Variants in SNX29 observed in about 807,000 individuals in gnomAD.
SNX29 encodes the protein sorting nexin 29.
In SNX29, 78 loss-of-function variants were observed where a neutral mutation model predicts 102.1. That is an observed-to-expected ratio of 0.76 (90% CI 0.64 to 0.92). SNX29 has a LOEUF of 0.92. Ranked by LOEUF, SNX29 falls within the 40% of genes least tolerant of loss-of-function variation. The probability of loss-of-function intolerance (pLI) is 0.00; values close to 1 mark genes in which losing one functional copy is unlikely to be tolerated. For missense variants in SNX29, 1,280 were observed against 1,061.7 expected, an observed-to-expected ratio of 1.21 and a Z score of -2.86; for synonymous variants, 580 against 414.5, an observed-to-expected ratio of 1.40 and a Z score of -4.85.
intron 15 of SNX29, chr16:12,297,254 C>T (rs938147752): frequency 1.3e-5 from 2 of 152,350 alleles, no homozygotes; most frequent in African/African-American, 4.8e-5. Flanking sequence ...TGAGCTGAGG[C>T]CCTGGAGGCT....
At chr16:12,373,755 G>A (rs1047293535) in intron 16 of SNX29, 1 of 152,146 alleles carries the variant, frequency 6.6e-6, no homozygotes, top group South Asian at 2.1e-4. Flanking sequence ...CCGATGCCCT[G>A]AACACACATG....
At chr16:11,994,680 C>G (rs539814046) in intron 1 of SNX29, among the ~76,000 whole-genome samples, 1 of 152,128 alleles carries the variant, frequency 6.6e-6, no homozygotes, top group African/African-American at 2.4e-5. Context: ...GGTTGGGATT[C>G]GGTAGGTGGG....
intron 2 of SNX29, among the ~76,000 whole-genome samples, chr16:12,001,287 T>C (rs996502808): frequency 6.6e-6 from 1 of 151,938 alleles, no homozygotes; most frequent in Non-Finnish European, 1.5e-5. Context: ...AATTTTTGTA[T>C]TTTTTAGTAG....
intron 14 of SNX29, among the ~76,000 whole-genome samples, chr16:12,254,180 G>C (rs1168467609): frequency 1.3e-5 from 2 of 152,100 alleles, no homozygotes; most frequent in Non-Finnish European, 2.9e-5. Context: ...AAGGAACGTG[G>C]GTATCAAGAG....
At chr16:12,366,911 A>G (rs1299313870) in intron 16 of SNX29, 2 of 148,642 alleles carry the variant, frequency 1.3e-5, no homozygotes, top group Non-Finnish European at 3.0e-5. Flanking sequence ...TGTGGTTGCA[A>G]TCCTCTCCCT....
chr16:12,363,569 C>T (rs1199831228), intron 16 of SNX29, among the ~76,000 whole-genome samples: 1 of 152,222 alleles, frequency 6.6e-6, no homozygotes, highest in Non-Finnish European at 1.5e-5. Flanking sequence ...TGCTGGCCCT[C>T]ATGTCCCATT....
At chr16:12,531,265 C>T (rs533376660) in intron 20 of SNX29, among the ~76,000 whole-genome samples, 8 of 152,316 alleles carry the variant, frequency 5.3e-5, no homozygotes, top group South Asian at 4.1e-4. Context: ...ATGGTCAGGG[C>T]GCACTGGGAC....
chr16:12,144,538 C>T (rs1225266588), intron 13 of SNX29, among the ~76,000 whole-genome samples: 1 of 152,218 alleles, frequency 6.6e-6, no homozygotes, highest in African/African-American at 2.4e-5. Context: ...AGCTGGGCTC[C>T]TTTTTCCGTT....
At chr16:12,022,551 A>C (rs1328266309) in intron 3 of SNX29, among the ~76,000 whole-genome samples, 1 of 152,124 alleles carries the variant, frequency 6.6e-6, no homozygotes, top group Non-Finnish European at 1.5e-5. Context: ...CATCGATCAC[A>C]ATTCAGTTTT....
chr16:12,391,808 G>A (rs964674682), intron 16 of SNX29, among the ~76,000 whole-genome samples: 3 of 152,130 alleles, frequency 2.0e-5, no homozygotes, highest in African/African-American at 7.2e-5. Context: ...CACTCTCCCT[G>A]AGGTATTCAC....
intron 15 of SNX29, among the ~76,000 whole-genome samples, chr16:12,295,614 C>G (rs985945318): frequency 5.9e-5 from 9 of 152,206 alleles, no homozygotes; most frequent in African/African-American, 2.2e-4. Context: ...GTACCAAAAA[C>G]TCAGCTTTGC....
At chr16:12,269,255 T>C (rs767766813) in intron 14 of SNX29, among the ~76,000 whole-genome samples, 31 of 152,176 alleles carry the variant, frequency 2.0e-4, no homozygotes, top group Non-Finnish European at 2.8e-4. Context: ...AGACTGCGGA[T>C]TTTTCCCGTG....
intron 15 of SNX29, among the ~76,000 whole-genome samples, chr16:12,329,927 A>G (rs1462517466): frequency 1.3e-5 from 2 of 152,298 alleles, no homozygotes; most frequent in East Asian, 3.9e-4. Context: ...TCTTGTTCCA[A>G]AAGGCATTTG....
intron 14 of SNX29, among the ~76,000 whole-genome samples, chr16:12,201,151 CTG>C (rs1431788960): frequency 6.6e-6 from 1 of 152,170 alleles, no homozygotes; most frequent in Non-Finnish European, 1.5e-5. Flanking sequence ...GGGTCAGTAA[CTG>C]TGGTCATTCT....
intron 14 of SNX29, among the ~76,000 whole-genome samples, chr16:12,242,446 C>T (rs557937750): frequency 6.7e-6 from 1 of 149,086 alleles, no homozygotes; most frequent in Non-Finnish European, 1.5e-5. Flanking sequence ...TCATAGTCCA[C>T]TTGTCTTTTA....
At chr16:12,009,915 A>G (rs373741940) in intron 3 of SNX29, among the ~76,000 whole-genome samples, 6 of 152,358 alleles carry the variant, frequency 3.9e-5, no homozygotes, top group African/African-American at 1.4e-4. Flanking sequence ...ACGGAATCAG[A>G]GGACGTGATC....
At chr16:12,217,827 C>T (rs983087348) in intron 14 of SNX29, among the ~76,000 whole-genome samples, 1 of 152,240 alleles carries the variant, frequency 6.6e-6, no homozygotes, top group Non-Finnish European at 1.5e-5. Context: ...GATGGCATAA[C>T]TCAGCCTCAT....
At chr16:12,006,905 C>T (rs1255242207) in intron 3 of SNX29, among the ~76,000 whole-genome samples, 1 of 152,166 alleles carries the variant, frequency 6.6e-6, no homozygotes, top group Non-Finnish European at 1.5e-5. Context: ...AGGTATGAGC[C>T]ACACTGTGCC....
chr16:12,173,203 C>A (rs891851336), intron 13 of SNX29, among the ~76,000 whole-genome samples: 2 of 152,212 alleles, frequency 1.3e-5, no homozygotes, highest in African/African-American at 4.8e-5. Context: ...CAGCCAGTTT[C>A]AGTAGCTATT....
Sources: allele counts gnomAD v4.1 joint callset (sites outside exome capture counted in the v4.1 genomes callset), GRCh38; gene constraint gnomAD v4.1.1; transcripts MANE v1.5; gene names NCBI Gene and HGNC (gene_info 2026-07-23, HGNC 2026-07-21).